Variants in TNNI3K observed in about 807,000 individuals in gnomAD.
TNNI3K encodes serine/threonine-protein kinase TNNI3K.
A neutral mutation model predicts 114.5 loss-of-function variants in TNNI3K; 140 were observed. That is an observed-to-expected ratio of 1.22 (90% CI 1.07 to 1.41). TNNI3K has a LOEUF of 1.41. Among genes scored for constraint, TNNI3K ranks in the 40% most tolerant of loss-of-function variants. TNNI3K has a pLI of 0.00. For synonymous variants in TNNI3K, 347 were observed against 347.5 expected, an observed-to-expected ratio of 1.00 and a Z score of 0.02; for missense variants, 1,125 against 1,007.6, an observed-to-expected ratio of 1.12 and a Z score of -1.58.
At chr1:74,356,688 C>G (rs1661675293) in intron 11 of TNNI3K, among the ~76,000 whole-genome samples, 2 of 152,158 alleles carry the variant, frequency 1.3e-5, no homozygotes, top group South Asian at 2.1e-4. Flanking sequence ...TAGTTGAAAA[C>G]TGGCTTTACT....
chr1:74,382,004 A>G (rs934904155), intron 17 of TNNI3K, among the ~76,000 whole-genome samples: 7 of 152,188 alleles, frequency 4.6e-5, no homozygotes, highest in Admixed American at 1.3e-4. Flanking sequence ...GTGGTTAGGC[A>G]CCTTTTCTTC....
At chr1:74,309,284 C>T (rs1195369633) in intron 5 of TNNI3K, among the ~76,000 whole-genome samples, 4 of 136,714 alleles carry the variant, frequency 2.9e-5, no homozygotes, top group African/African-American at 1.1e-4. Flanking sequence ...AGGAGAATGG[C>T]GTGAACCCCA....
intron 2 of TNNI3K, among the ~76,000 whole-genome samples, chr1:74,243,078 T>C: frequency 6.6e-6 from 1 of 152,282 alleles, no homozygotes; most frequent in African/African-American, 2.4e-5. Context: ...GCAGCTAATA[T>C]TTATAAAAGC....
intron 24 of TNNI3K, among the ~76,000 whole-genome samples, chr1:74,541,834 A>G (rs1290923597): frequency 6.6e-6 from 1 of 152,240 alleles, no homozygotes; most frequent in South Asian, 2.1e-4. Context: ...GGAGCATCAC[A>G]TCATACAAGA....
At chr1:74,453,423 G>C (rs1161237758) in intron 20 of TNNI3K, among the ~76,000 whole-genome samples, 1 of 152,140 alleles carries the variant, frequency 6.6e-6, no homozygotes, top group Non-Finnish European at 1.5e-5. Flanking sequence ...TGAAGCATCA[G>C]ATTCAATATA....
At chr1:74,291,778 G>A (rs542420035) in intron 5 of TNNI3K, among the ~76,000 whole-genome samples, 4 of 151,350 alleles carry the variant, frequency 2.6e-5, no homozygotes, top group Admixed American at 1.3e-4. Context: ...AAGGTTTGAT[G>A]GTTTGCCTTC....
intron 5 of TNNI3K, among the ~76,000 whole-genome samples, chr1:74,316,887 G>A (rs1659341740): frequency 6.7e-6 from 1 of 149,502 alleles, no homozygotes; most frequent in South Asian, 2.1e-4. Context: ...TTTTAGTAGA[G>A]ACAGGGTTTC....
chr1:74,249,696 A>C, intron 3 of TNNI3K, 152 bp downstream of exon 3: 1 of 608,666 alleles, frequency 1.6e-6, no homozygotes, highest in Non-Finnish European at 2.6e-6. Flanking sequence ...CAGTTTAGGC[A>C]GTAACTATCA....
chr1:74,313,766 T>C lies in TNNI3K; in HGVS notation c.445-17684T>C, dbSNP rs1336439828. ...AGCTATTCTCTGTACTCTGTGTTGATGCTTTAATCTTAGAGCTGAGGAGTG... is the reference window on the plus strand; with the variant it reads ...AGCTATTCTCTGTACTCTGTGTTGACGCTTTAATCTTAGAGCTGAGGAGTG... On this transcript the variant is annotated intron_variant, in intron 5 of 24. Transcript: ENST00000326637. 3.3e-5 allele frequency among the ~76,000 whole-genome samples: 5 copies of C among 152,220 alleles called. No homozygotes were observed. In the East Asian group the frequency reaches 7.7e-4, roughly 24 times the overall value.
At chr1:74,466,543 G>A (rs974975233) in intron 21 of TNNI3K, among the ~76,000 whole-genome samples, 5 of 152,164 alleles carry the variant, frequency 3.3e-5, no homozygotes, top group African/African-American at 9.7e-5. Context: ...TTGTCAGCAC[G>A]GAGTCTTTGT....
intron 21 of TNNI3K, chr1:74,469,821 T>C (rs1221582798): frequency 2.5e-6 from 1 of 399,716 alleles, no homozygotes; most frequent in Non-Finnish European, 4.4e-6. Context: ...TGGGTGTTTG[T>C]CCTCTTGAAG....
intron 9 of TNNI3K, among the ~76,000 whole-genome samples, chr1:74,351,025 AT>A (rs2100468425): frequency 6.6e-6 from 1 of 151,438 alleles, no homozygotes; most frequent in African/African-American, 2.4e-5. Context: ...TTAGCTGGTT[AT>A]TTTGCTCCTT....
intron 21 of TNNI3K, chr1:74,470,024 G>A (rs1309406257): frequency 2.5e-6 from 1 of 400,570 alleles, no homozygotes; most frequent in East Asian, 3.6e-5. Flanking sequence ...TTTAACCCTG[G>A]TAAGAAGGAA....
At chr1:74,295,257 G>C (rs1240867546) in intron 5 of TNNI3K, among the ~76,000 whole-genome samples, 1 of 151,926 alleles carries the variant, frequency 6.6e-6, no homozygotes, top group Admixed American at 6.6e-5. Flanking sequence ...TTCAAAATTT[G>C]GTGAGGCTTG....
chr1:74,266,181 T>G (rs61085293), intron 4 of TNNI3K, among the ~76,000 whole-genome samples: 1,970 of 152,140 alleles, frequency 0.013, 47 homozygotes, highest in African/African-American at 0.046. Flanking sequence ...ATGAATGGGT[T>G]TATTCATCAG....
intron 7 of TNNI3K, among the ~76,000 whole-genome samples, chr1:74,336,544 C>G (rs1660478357): frequency 6.8e-6 from 1 of 147,576 alleles, no homozygotes; most frequent in African/African-American, 2.5e-5. Flanking sequence ...TATTCCCCTT[C>G]CTGTGTCCAT....
chr1:74,521,381 A>C (rs142289886), intron 23 of TNNI3K, among the ~76,000 whole-genome samples: 25 of 152,248 alleles, frequency 1.6e-4, no homozygotes, highest in African/African-American at 5.8e-4. Context: ...AAGTCACTTA[A>C]AACAATACCT....
intron 17 of TNNI3K, among the ~76,000 whole-genome samples, chr1:74,429,522 G>T (rs1415089402): frequency 1.3e-5 from 2 of 152,076 alleles, no homozygotes; most frequent in Non-Finnish European, 2.9e-5. Context: ...GTTCATGAGG[G>T]GTTTTCAAGG....
chr1:74,469,232 G>C (rs1667800198), intron 21 of TNNI3K: 1 of 152,490 alleles, frequency 6.6e-6, no homozygotes, highest in Non-Finnish European at 1.5e-5. Flanking sequence ...ATCTTTATGG[G>C]AACAGCCAAC....
Sources: allele counts gnomAD v4.1 joint callset (sites outside exome capture counted in the v4.1 genomes callset), GRCh38; gene constraint gnomAD v4.1.1; transcripts MANE v1.5; gene names NCBI Gene and HGNC (gene_info 2026-07-23, HGNC 2026-07-21).